RARB: variants seen among roughly 807,000 people sequenced by gnomAD.
The protein encoded by RARB is retinoic acid receptor beta.
A neutral mutation model predicts 51.9 loss-of-function variants in RARB; 17 were observed. The ratio of observed to expected loss-of-function variants is 0.33; its 90% CI spans 0.22 to 0.49. The LOEUF (loss-of-function observed/expected upper bound fraction) is 0.49, where lower values mean the gene tolerates loss of function less well. Among genes scored for constraint, RARB ranks in the 20% least tolerant of loss-of-function variants. The pLI is 0.99. For missense variants in RARB, 369 were observed against 550.8 expected (o/e 0.67, Z 3.30); for synonymous variants, 215 against 195.4 (o/e 1.10, Z -0.84).
intron 5 of RARB, among the ~76,000 whole-genome samples, chr3:25,257,681 T>C (rs1702899232): frequency 1.3e-5 from 2 of 152,214 alleles, no homozygotes; most frequent in South Asian, 4.2e-4. Flanking sequence ...CTCCGCTCCT[T>C]CCTAGGCTCT....
intron 1 of RARB, among the ~76,000 whole-genome samples, chr3:25,433,830 C>T (rs1708308341): frequency 6.6e-6 from 1 of 152,154 alleles, no homozygotes. Flanking sequence ...GATCTCTGTC[C>T]CATCCCACTC....
chr3:25,271,387 C>A (rs1265102933), intron 5 of RARB, among the ~76,000 whole-genome samples: 2 of 152,120 alleles, frequency 1.3e-5, no homozygotes, highest in Non-Finnish European at 2.9e-5. Flanking sequence ...AATCGCGTCT[C>A]AAATGCAAGG....
chr3:25,019,978 T>C (rs543584409), intron 2 of RARB, among the ~76,000 whole-genome samples: 1 of 152,186 alleles, frequency 6.6e-6, no homozygotes, highest in Admixed American at 6.5e-5. Context: ...TGTGCATTTA[T>C]CTCACTGGTG....
chr3:25,302,248 G>A (rs545900607), intron 5 of RARB, among the ~76,000 whole-genome samples: 35 of 152,262 alleles, frequency 2.3e-4, no homozygotes, highest in African/African-American at 8.2e-4. Context: ...CAAAGATTAA[G>A]CATATAAACT....
At chr3:25,238,379 T>G (rs1248815577) in intron 5 of RARB, among the ~76,000 whole-genome samples, 2 of 152,206 alleles carry the variant, frequency 1.3e-5, no homozygotes, top group Non-Finnish European at 2.9e-5. Flanking sequence ...ATATACCATA[T>G]AGACCAAATT....
At chr3:25,345,559 G>A (rs530976964) in intron 5 of RARB, among the ~76,000 whole-genome samples, 5 of 151,846 alleles carry the variant, frequency 3.3e-5, no homozygotes, top group Non-Finnish European at 7.4e-5. Context: ...TAGCTACTCG[G>A]GAGGCTGAGG....
At chr3:25,173,569 C>G (rs17015894) in intron 4 of RARB, among the ~76,000 whole-genome samples, 1 of 151,972 alleles carries the variant, frequency 6.6e-6, no homozygotes, top group Non-Finnish European at 1.5e-5. Context: ...AAATAGCCAC[C>G]GTAAAATCCA....
intron 3 of RARB, among the ~76,000 whole-genome samples, chr3:25,105,650 A>G (rs1456218114): frequency 2.0e-5 from 3 of 152,174 alleles, no homozygotes; most frequent in African/African-American, 7.2e-5. Flanking sequence ...TTGCTGTGTC[A>G]GGGGAAGCAG....
intron 5 of RARB, among the ~76,000 whole-genome samples, chr3:25,356,428 GA>G (rs1291665540): frequency 6.6e-6 from 1 of 151,988 alleles, no homozygotes; most frequent in East Asian, 1.9e-4. Flanking sequence ...TTTCTAAAGG[GA>G]AATTCTGCTT....
chr3:25,513,653 C>G (rs1012399924), intron 3 of RARB, among the ~76,000 whole-genome samples: 1 of 150,748 alleles, frequency 6.6e-6, no homozygotes, highest in Non-Finnish European at 1.5e-5. Flanking sequence ...TTTACTTTCT[C>G]TCAAAACTAC....
chr3:24,879,640 T>C (rs1285293605), intron 2 of RARB, among the ~76,000 whole-genome samples: 1 of 151,998 alleles, frequency 6.6e-6, no homozygotes, highest in East Asian at 1.9e-4. Flanking sequence ...TTGGAAAACA[T>C]AGACAGAACC....
intron 5 of RARB, among the ~76,000 whole-genome samples, chr3:25,255,442 T>G (rs555992970): frequency 9.8e-5 from 15 of 152,296 alleles, no homozygotes; most frequent in African/African-American, 3.6e-4. Flanking sequence ...CTCTGCCTTC[T>G]CCATCCCTCA....
intron 3 of RARB, among the ~76,000 whole-genome samples, chr3:25,553,467 C>T (rs891747735): frequency 1.3e-5 from 2 of 152,174 alleles, no homozygotes; most frequent in Non-Finnish European, 2.9e-5. Flanking sequence ...AAAGGAGCAA[C>T]AGGTAATGCA....
intron 3 of RARB, among the ~76,000 whole-genome samples, chr3:25,103,729 A>G (rs1247814309): frequency 6.6e-6 from 1 of 152,224 alleles, no homozygotes; most frequent in East Asian, 1.9e-4. Flanking sequence ...TGTTGCTACT[A>G]TAAAGTGCAT....
intron 2 of RARB, among the ~76,000 whole-genome samples, chr3:25,465,580 G>A (rs1695389947): frequency 6.6e-6 from 1 of 152,208 alleles, no homozygotes; most frequent in Non-Finnish European, 1.5e-5. Context: ...CTCTGCTGCA[G>A]CCATACGATG....
intron 5 of RARB, among the ~76,000 whole-genome samples, chr3:25,317,160 G>T (rs547045432): frequency 9.9e-4 from 143 of 143,870 alleles, no homozygotes; most frequent in African/African-American, 3.2e-3. Flanking sequence ...TAAGTGTTAG[G>T]TGCCTTGTCT....
At chr3:25,239,613 A>G (rs902029279) in intron 5 of RARB, among the ~76,000 whole-genome samples, 1 of 152,170 alleles carries the variant, frequency 6.6e-6, no homozygotes, top group African/African-American at 2.4e-5. Flanking sequence ...TTGGCTATAT[A>G]TACATAGATT....
intron 3 of RARB, among the ~76,000 whole-genome samples, chr3:25,107,467 ATTG>A (rs1282211771): frequency 2.0e-5 from 3 of 152,172 alleles, no homozygotes; most frequent in African/African-American, 7.2e-5. Flanking sequence ...TATTTCTAGT[ATTG>A]TTATTATGAA....
intron 5 of RARB, among the ~76,000 whole-genome samples, chr3:25,223,191 A>G (rs1231625342): frequency 6.6e-6 from 1 of 151,876 alleles, no homozygotes; most frequent in Non-Finnish European, 1.5e-5. Flanking sequence ...CTAGGCAACC[A>G]CTCAGTTCCT....
Sources: allele counts gnomAD v4.1 joint callset (sites outside exome capture counted in the v4.1 genomes callset), GRCh38; gene constraint gnomAD v4.1.1; transcripts MANE v1.5; gene names NCBI Gene and HGNC (gene_info 2026-07-23, HGNC 2026-07-21).